Variants in SRBD1 observed in about 807,000 individuals in gnomAD.
SRBD1 encodes the protein S1 RNA binding domain 1, also known as S1 RNA-binding domain-containing protein 1.
In SRBD1, 88 loss-of-function variants were observed where a neutral mutation model predicts 115.3. The ratio of observed to expected loss-of-function variants is 0.76; its 90% CI spans 0.64 to 0.91. The LOEUF is 0.91. Among genes scored for constraint, SRBD1 ranks in the 40% least tolerant of loss-of-function variants. SRBD1 has a pLI of 0.00. For missense variants in SRBD1, 1,385 were observed against 1,177.4 expected (o/e 1.18, Z -2.58); for synonymous variants, 509 against 407.7 (o/e 1.25, Z -2.99).
chr2:45,493,899 T>C (rs1670376467), intron 14 of SRBD1, among the ~76,000 whole-genome samples: 1 of 151,994 alleles, frequency 6.6e-6, no homozygotes, highest in Non-Finnish European at 1.5e-5. Context: ...GTCAAAGACT[T>C]TCAAACTGCA....
At chr2:45,605,700 T>C (rs1169321167) in intron 1 of SRBD1, among the ~76,000 whole-genome samples, 2 of 152,140 alleles carry the variant, frequency 1.3e-5, no homozygotes, top group African/African-American at 4.8e-5. Flanking sequence ...AGTCAGGAGT[T>C]CGAGACCAGC....
intron 16 of SRBD1, among the ~76,000 whole-genome samples, chr2:45,444,839 C>G (rs1052608468): frequency 2.0e-5 from 3 of 152,198 alleles, no homozygotes; most frequent in Non-Finnish European, 4.4e-5. Context: ...GCCTCTGGCC[C>G]TGTGACCACT....
chr2:45,589,960 G>C (rs575612620), intron 4 of SRBD1, among the ~76,000 whole-genome samples: 1 of 152,290 alleles, frequency 6.6e-6, no homozygotes, highest in Non-Finnish European at 1.5e-5. Flanking sequence ...ATTGTTTTAA[G>C]ACCACAGGAA....
rs190916163 is a variant in SRBD1 at position 45,527,747 on chromosome 2, A to G, written c.1874+18985T>C. On this transcript the variant is annotated intron_variant, in intron 14 of 20. Coordinates refer to ENST00000263736, the MANE Select transcript of SRBD1 (RefSeq NM_018079.5). ...GAGACACAGGGAGATTAAGTAACTTAAGCACAGTCACCATGGTAGTAAAGG... is the reference window on the plus strand; with the variant it reads ...GAGACACAGGGAGATTAAGTAACTTGAGCACAGTCACCATGGTAGTAAAGG... Among the ~76,000 whole-genome samples, 13 of 152,040 alleles carry G rather than the reference A, an allele frequency of 8.6e-5. No individual in the cohort carries two copies. In the East Asian group the frequency reaches 2.5e-3, roughly 29 times the overall value.
At chr2:45,473,875 G>A (rs1572679742) in intron 16 of SRBD1, among the ~76,000 whole-genome samples, 1 of 152,144 alleles carries the variant, frequency 6.6e-6, no homozygotes, top group East Asian at 1.9e-4. Flanking sequence ...TTACTTCTGT[G>A]ATTATAACTC....
At chr2:45,460,640 C>G (rs1177558776) in intron 16 of SRBD1, among the ~76,000 whole-genome samples, 1 of 152,162 alleles carries the variant, frequency 6.6e-6, no homozygotes, top group African/African-American at 2.4e-5. Flanking sequence ...CTTTTCAAAA[C>G]CAACTCCCAA....
chr2:45,601,501 A>T (rs1674091358), intron 3 of SRBD1, among the ~76,000 whole-genome samples: 1 of 152,226 alleles, frequency 6.6e-6, no homozygotes, highest in Non-Finnish European at 1.5e-5. Flanking sequence ...CAGTTCCATC[A>T]CTTACTATCT....
chr2:45,530,468 G>C (rs888936606), intron 14 of SRBD1, among the ~76,000 whole-genome samples: 1 of 151,956 alleles, frequency 6.6e-6, no homozygotes, highest in African/African-American at 2.4e-5. Flanking sequence ...TCAATCAAAG[G>C]ACTCCACAAC....
chr2:45,595,186 A>C (rs1673855754), intron 4 of SRBD1, among the ~76,000 whole-genome samples: 1 of 152,234 alleles, frequency 6.6e-6, no homozygotes, highest in Non-Finnish European at 1.5e-5. Context: ...AGTGTTGACT[A>C]TATAGTTCTG....
intron 14 of SRBD1, among the ~76,000 whole-genome samples, chr2:45,533,208 T>A (rs553584057): frequency 6.6e-6 from 1 of 152,138 alleles, no homozygotes; most frequent in South Asian, 2.1e-4. Context: ...ACACATCTAA[T>A]TTACCCTAGA....
At chr2:45,549,819 C>T (rs185360751) in intron 12 of SRBD1, among the ~76,000 whole-genome samples, 12 of 151,616 alleles carry the variant, frequency 7.9e-5, no homozygotes, top group South Asian at 2.1e-4. Context: ...GCTGAGATCA[C>T]GCCACTGTGC....
intron 7 of SRBD1, among the ~76,000 whole-genome samples, chr2:45,576,908 T>A (rs1363339291): frequency 2.6e-5 from 4 of 152,170 alleles, no homozygotes; most frequent in Non-Finnish European, 5.9e-5. Flanking sequence ...GGGAATATAA[T>A]TTGAAACTTT....
chr2:45,445,963 G>A (rs1668811391), intron 16 of SRBD1, among the ~76,000 whole-genome samples: 1 of 152,142 alleles, frequency 6.6e-6, no homozygotes, highest in Non-Finnish European at 1.5e-5. Context: ...CAAAACTTCA[G>A]TATTAGGTGT....
At chr2:45,404,378 G>A (rs973202401) in intron 19 of SRBD1, among the ~76,000 whole-genome samples, 6 of 152,114 alleles carry the variant, frequency 3.9e-5, no homozygotes, top group African/African-American at 1.2e-4. Flanking sequence ...GGGACCAGAT[G>A]AGATCACTAT....
intron 16 of SRBD1, among the ~76,000 whole-genome samples, chr2:45,476,788 T>C (rs1669816842): frequency 6.6e-6 from 1 of 152,200 alleles, no homozygotes; most frequent in South Asian, 2.1e-4. Flanking sequence ...CAATTCTAAG[T>C]CTTAATCAAA....
Position 45,418,450 on chromosome 2 carries a change from T to C in SRBD1, c.2248A>G (p.Lys750Glu), listed in dbSNP as rs1572618280. The change falls in exon 18 of 21, where the codon AAA becomes GAA. Residue 750 changes from lysine (K) to glutamate (E), a missense_variant. Transcript: ENST00000263736. ...GPFINREQLK[K>E]VKGLGPKSFQ... The stretch of plus-strand genomic sequence containing the variant: ...GATTTTGGGCCCAGCCCTTTCACTT[T>C]CTTCAGCTGTTCTCGGTTGATAAAG... 1 of 1,614,080 alleles carries C rather than the reference T, an allele frequency of 6.2e-7. No individual in the cohort carries two copies. The highest frequency in any genetic ancestry group is 8.5e-7 in the Non-Finnish European group (1 of 1,179,988).
chr2:45,438,720 A>T (rs1436238704), intron 16 of SRBD1, among the ~76,000 whole-genome samples: 2 of 152,172 alleles, frequency 1.3e-5, no homozygotes, highest in Non-Finnish European at 1.5e-5. Context: ...GGGGTATAAA[A>T]GAACCTTAAT....
intron 16 of SRBD1, among the ~76,000 whole-genome samples, chr2:45,424,668 T>C (rs988736846): frequency 2.6e-5 from 4 of 152,216 alleles, no homozygotes; most frequent in African/African-American, 9.6e-5. Flanking sequence ...AAGACAGACA[T>C]ACATATACCC....
intron 18 of SRBD1, among the ~76,000 whole-genome samples, chr2:45,415,691 G>C (rs1397221599): frequency 4.2e-4 from 1 of 2,378 alleles, no homozygotes; most frequent in African/African-American, 1.9e-3. Context: ...GGGGACGGGA[G>C]AGGAGAGGAG....
Sources: allele counts gnomAD v4.1 joint callset (sites outside exome capture counted in the v4.1 genomes callset), GRCh38; gene constraint gnomAD v4.1.1; transcripts MANE v1.5; gene names NCBI Gene and HGNC (gene_info 2026-07-23, HGNC 2026-07-21).